The following RNF111 variants were observed in gnomAD, a reference collection of about 807,000 sequenced individuals.
RNF111 encodes E3 ubiquitin-protein ligase Arkadia.
In RNF111, 17 loss-of-function variants were observed where a neutral mutation model predicts 95.1. The ratio of observed to expected loss-of-function variants is 0.18; its 90% CI spans 0.12 to 0.27. The LOEUF (loss-of-function observed/expected upper bound fraction) is 0.27, where lower values mean the gene tolerates loss of function less well. Ranked by LOEUF, RNF111 falls within the 10% of genes least tolerant of loss-of-function variation. The pLI is 1.00. For synonymous variants in RNF111, 440 were observed against 414.8 expected (o/e 1.06, Z -0.74); for missense variants, 1,189 against 1,210.4 (o/e 0.98, Z 0.26).
chr15:59,020,357 C>T (rs2040278473), intron 1 of RNF111, among the ~76,000 whole-genome samples: 1 of 151,750 alleles, frequency 6.6e-6, no homozygotes, highest in African/African-American at 2.4e-5. Flanking sequence ...TTTCAGGATC[C>T]AGGCTTCCTT....
chr15:59,058,292 A>G (rs1031436707), intron 4 of RNF111, 64 bp from the exon 5 acceptor site: 4 of 1,307,368 alleles, frequency 3.1e-6, no homozygotes, highest in African/African-American at 1.5e-5. Flanking sequence ...ATTAGCTTAC[A>G]TTAAAATATA....
At chr15:59,075,298 A>G (rs1366944245) in intron 6 of RNF111, among the ~76,000 whole-genome samples, 1 of 152,242 alleles carries the variant, frequency 6.6e-6, no homozygotes, top group South Asian at 2.1e-4. Flanking sequence ...AAATGTGCCT[A>G]TAAAATGCAA....
chr15:59,086,977 T>C (rs1210853958), intron 10 of RNF111, among the ~76,000 whole-genome samples: 8 of 152,216 alleles, frequency 5.3e-5, no homozygotes, highest in African/African-American at 1.4e-4. Context: ...GATGAATGCC[T>C]GAATGAAGGC....
At chr15:59,016,125 C>G (rs2040053585) in intron 1 of RNF111, among the ~76,000 whole-genome samples, 1 of 151,280 alleles carries the variant, frequency 6.6e-6, no homozygotes, top group African/African-American at 2.4e-5. Context: ...GCATGAGTCA[C>G]TGCTCCTGGC....
Position 59,056,948 on chromosome 15 carries a change from TG to T in RNF111, c.1171+1106del, listed in dbSNP as rs75160046. ...AGTTCAACCAGAATTTACACTTTAC[TG>T]GGTTAAAAGTATTCCAGTGATTAGT... On this transcript the variant is annotated intron_variant, in intron 4 of 13. Coordinates refer to ENST00000348370, the MANE Select transcript of RNF111 (RefSeq NM_017610.8). Among the ~76,000 whole-genome samples, 74 of 152,334 alleles carry T rather than the reference TG, an allele frequency of 4.9e-4. 1 individual carries two copies. The East Asian group carries it at 0.014, about 29-fold the overall frequency.
chr15:59,045,168 G>GTT (rs5812960), intron 2 of RNF111, among the ~76,000 whole-genome samples: 73 of 143,488 alleles, frequency 5.1e-4, no homozygotes, highest in African/African-American at 1.1e-3. Context: ...ATTTTTTACA[G>GTT]TTTTTTTTTT....
intron 2 of RNF111, among the ~76,000 whole-genome samples, chr15:59,032,966 T>A (rs2040989741): frequency 6.6e-6 from 1 of 152,214 alleles, no homozygotes; most frequent in Non-Finnish European, 1.5e-5. Context: ...AGTCCTGAAA[T>A]GTATGTTCCA....
chr15:59,061,914 TCATTTTCTTCCC>T (rs550286643), intron 5 of RNF111, among the ~76,000 whole-genome samples: 273 of 152,300 alleles, frequency 1.8e-3, no homozygotes, highest in African/African-American at 6.4e-3. Flanking sequence ...TTTTCATAAT[TCATTTTCTTCCC>T]AGGACTGTGT....
At chr15:59,068,583 G>A (rs534605627) in intron 6 of RNF111, among the ~76,000 whole-genome samples, 1 of 152,306 alleles carries the variant, frequency 6.6e-6, no homozygotes, top group Non-Finnish European at 1.5e-5. Flanking sequence ...TCCAGCCTGG[G>A]CAACAGAGCA....
chr15:59,043,206 G>A (rs1162149080), intron 2 of RNF111, among the ~76,000 whole-genome samples: 2 of 150,538 alleles, frequency 1.3e-5, no homozygotes. Flanking sequence ...CCAGGCTGGA[G>A]TGCAGTGGTG....
chr15:59,014,636 G>A (rs1408439143), intron 1 of RNF111, among the ~76,000 whole-genome samples: 1 of 152,058 alleles, frequency 6.6e-6, no homozygotes, highest in Non-Finnish European at 1.5e-5. Context: ...AGATTCTTCT[G>A]TTTTATTCTG....
At chr15:59,038,427 G>A (rs1465110831) in intron 2 of RNF111, among the ~76,000 whole-genome samples, 2 of 152,128 alleles carry the variant, frequency 1.3e-5, no homozygotes, top group African/African-American at 2.4e-5. Context: ...CCAGGATCAG[G>A]AATTATATCT....
Position 59,058,367 on chromosome 15 carries a change from G to C in RNF111, c.1183G>C (p.Val395Leu). The C allele has an allele frequency of 3.1e-6, 5 of 1,613,862 alleles. No individual in the cohort carries two copies. Among genetic ancestry groups the C allele is most frequent in the Non-Finnish European group, 4.2e-6 (5 of 1,179,862 alleles). The change falls in exon 5 of 14, where the codon GTA (valine) becomes CTA (leucine). Residue 395 changes from valine (V) to leucine (L), a missense_variant. Transcript: ENST00000348370. The stretch of plus-strand genomic sequence containing the variant: ...TTTGTATTTTGTAGAACCTACTGTA[G>C]TACCAACCACTTCTGCAAGAATGGA... ...LTVDEDEPTVVPTTSARMESQ... is the reference protein window; with the variant it reads ...LTVDEDEPTVLPTTSARMESQ...
chr15:59,033,966 C>T (rs1412355543), intron 2 of RNF111, among the ~76,000 whole-genome samples: 1 of 152,086 alleles, frequency 6.6e-6, no homozygotes, highest in Non-Finnish European at 1.5e-5. Context: ...TAATAACATT[C>T]ACACGATATG....
In RNF111 at chr15:59,066,844, C is replaced by G. The variant is rs1442173175; in HGVS notation, c.1447C>G (p.Gln483Glu). Residue 483 changes from glutamine to glutamate, a missense_variant, in exon 6 of 14, where the codon CAG becomes GAG. This residue lies in a region of RNF111 where 1,024 missense variants were observed against 925.9 expected (regional missense o/e 1.11). Coordinates refer to ENST00000348370, the MANE Select transcript of RNF111 (RefSeq NM_017610.8). The stretch of plus-strand genomic sequence containing the variant: ...GCCAAGGTTACCTTCCTGCTGTCCC[C>G]AGCACTCACCATGTGGAGGGTCGTC... ...AMPRLPSCCP[Q>E]HSPCGGSSQN... is the part of the protein sequence containing the mutation. The G allele has an allele frequency of 6.2e-7, 1 of 1,613,974 alleles. No homozygotes were observed. The highest frequency in any genetic ancestry group is 2.2e-5 in the East Asian group (1 of 44,882).
chr15:59,092,345 G>A (rs1375680482), intron 12 of RNF111, among the ~76,000 whole-genome samples, 192 bp from the exon 13 acceptor site: 1 of 152,136 alleles, frequency 6.6e-6, no homozygotes, highest in Non-Finnish European at 1.5e-5. Flanking sequence ...TTATTAGAGG[G>A]TCTTAAAAAT....
rs368421943 is a variant in RNF111, at chr15:59,031,647, A to T, written c.825A>T (p.Glu275Asp). Residue 275 changes from glutamate to aspartate, a missense_variant, in exon 2 of 14, where the codon GAA becomes GAT. Glu to Asp is a conservative substitution (Grantham distance 45, BLOSUM62 2). Around this residue, in one of 2 missense-constraint regions of RNF111, gnomAD observed 1,024 missense variants for 925.9 expected, o/e 1.11. Coordinates refer to ENST00000348370, the MANE Select transcript of RNF111 (RefSeq NM_017610.8). ...CTAGCTCATCAACTGAAGGAGAAGA[A>T]GATTTGTTTGTTTCTGCCAGTGAAA... ...SSSSSSTEGE[E>D]DLFVSASENH... is the part of the protein sequence containing the mutation. 50 of 1,614,058 alleles carry T rather than the reference A, an allele frequency of 3.1e-5. No homozygotes were observed. Among genetic ancestry groups the T allele is most frequent in the Non-Finnish European group, 4.2e-5 (49 of 1,180,032 alleles).
At chr15:59,011,472 G>A (rs1237013953) in intron 1 of RNF111, among the ~76,000 whole-genome samples, 2 of 152,120 alleles carry the variant, frequency 1.3e-5, no homozygotes, top group African/African-American at 4.8e-5. Flanking sequence ...CTTGGGCTGC[G>A]GTAATGAAAT....
At chr15:59,079,670 T>TA (rs1170245304) in intron 7 of RNF111, among the ~76,000 whole-genome samples, 2 of 148,608 alleles carry the variant, frequency 1.3e-5, no homozygotes, top group East Asian at 4.0e-4. Context: ...TTTTTTTTTT[T>TA]ACATGTCAAG....
Sources: gnomAD v4.1 joint callset for allele counts (sites outside exome capture counted in the v4.1 genomes callset) on GRCh38, gnomAD v4.1.1 for gene constraint, gnomAD v4.1.1 regional missense constraint, MANE v1.5 for transcripts, NCBI Gene and HGNC (gene_info 2026-07-23, HGNC 2026-07-21) for gene names.